Variants in CSMD3 observed in about 807,000 individuals in gnomAD.
The protein encoded by CSMD3 is CUB and Sushi multiple domains 3.
Under a neutral mutation model 435.2 loss-of-function variants are expected in CSMD3, and 177 were observed. That is an observed-to-expected ratio of 0.41 (90% confidence interval 0.36 to 0.46). The LOEUF (loss-of-function observed/expected upper bound fraction) is 0.46, where lower values mean the gene tolerates loss of function less well. CSMD3 is among the 20% of genes least tolerant of loss of function. The pLI is 0.34. For synonymous variants in CSMD3, 1,656 were observed against 1,520.5 expected (o/e 1.09, Z -2.07); for missense variants, 4,265 against 4,504.6 (o/e 0.95, Z 1.52).
chr8:112,589,385 A>G (rs1830987563), intron 22 of CSMD3, among the ~76,000 whole-genome samples: 1 of 152,184 alleles, frequency 6.6e-6, no homozygotes, highest in Non-Finnish European at 1.5e-5. Context: ...GAATAAAGAA[A>G]ATTACCACCC....
At chr8:113,409,080 T>C (rs1246162335) in intron 1 of CSMD3, among the ~76,000 whole-genome samples, 1 of 67,690 alleles carries the variant, frequency 1.5e-5, no homozygotes, top group Non-Finnish European at 2.8e-5. Context: ...CTTCTTCTTC[T>C]TTTTTTTTTT....
At chr8:112,637,118 G>A in intron 21 of CSMD3, 113 bp from the exon 22 acceptor site, 1 of 828,282 alleles carries the variant, frequency 1.2e-6, no homozygotes, top group South Asian at 1.4e-5. Flanking sequence ...CATATATTTA[G>A]AAGGGACTAT....
intron 10 of CSMD3, among the ~76,000 whole-genome samples, chr8:112,886,627 T>C (rs1165560873): frequency 1.3e-5 from 2 of 151,354 alleles, no homozygotes; most frequent in South Asian, 2.1e-4. Flanking sequence ...TTATAGTATT[T>C]AATAATTTAG....
chr8:112,320,915 T>C (rs2130873668), intron 45 of CSMD3, among the ~76,000 whole-genome samples: 1 of 152,236 alleles, frequency 6.6e-6, no homozygotes, highest in Admixed American at 6.5e-5. Context: ...TGTTTCTAAT[T>C]ATGATATCAC....
Position 113,314,781 on chromosome 8 carries a change from G to A in CSMD3, c.191C>T (p.Thr64Ile), listed in dbSNP as rs1418930877. The A allele has an allele frequency of 4.4e-6, 7 of 1,601,216 alleles. No individual in the cohort carries two copies. The highest frequency in any genetic ancestry group is 1.3e-5 in the African/African-American group (1 of 74,618). Residue 64 changes from threonine (T) to isoleucine (I), a missense_variant, in exon 2 of 71, where the codon ACA (threonine) becomes ATA (isoleucine). Transcript: ENST00000297405. ...TVSCVKGFIY[T>I]CGGTLKGLNG... ...AAGTCCTTTTAAAGTTCCACCACAT[G>A]TATAAATAAATCCTGCAACAAAAGA...
intron 49 of CSMD3, among the ~76,000 whole-genome samples, chr8:112,311,870 G>C (rs1822005606): frequency 6.6e-6 from 1 of 152,048 alleles, no homozygotes; most frequent in African/African-American, 2.4e-5. Flanking sequence ...AGAAAAATGG[G>C]GCTTTGGGGG....
chr8:112,473,440 G>A (rs2130759607), intron 31 of CSMD3, among the ~76,000 whole-genome samples: 1 of 152,224 alleles, frequency 6.6e-6, no homozygotes, highest in South Asian at 2.1e-4. Context: ...TATTCTTTAA[G>A]CGAATAAGAT....
In CSMD3 at chr8:112,245,644, T is replaced by C. The variant is rs1002317702; in HGVS notation, c.10223-1071A>G. Among the ~76,000 whole-genome samples, 9 of 152,192 alleles carry C rather than the reference T, an allele frequency of 5.9e-5. No homozygotes were observed. In the Middle Eastern group the frequency reaches 0.014, roughly 230 times the overall value. ...CCTCCACCTCCGGGGTTCAAGCGAT[T>C]CTCCTGCCTCAGACTCCTGAGGAGC... On this transcript the variant is annotated intron_variant, in intron 64 of 70. Coordinates refer to ENST00000297405, the MANE Select transcript of CSMD3 (RefSeq NM_198123.2).
At chr8:113,267,340 T>C (rs1228582588) in intron 3 of CSMD3, among the ~76,000 whole-genome samples, 1 of 151,528 alleles carries the variant, frequency 6.6e-6, no homozygotes, top group Admixed American at 6.6e-5. Flanking sequence ...AGCAAATATA[T>C]GGAATTAACC....
chr8:112,337,488 C>G (rs2130963556), intron 43 of CSMD3, 55 bp downstream of exon 43: 2 of 1,421,496 alleles, frequency 1.4e-6, no homozygotes, highest in Admixed American at 3.4e-5. Flanking sequence ...AGTGCCAAAA[C>G]AATATTAAAA....
In CSMD3 at chr8:112,352,408, A is replaced by C. The variant is rs766948234; in HGVS notation, c.6255+8T>G. On this transcript the variant is annotated splice_region_variant and intron_variant, in intron 39 of 70. Coordinates refer to ENST00000297405, the MANE Select transcript of CSMD3 (RefSeq NM_198123.2). The stretch of plus-strand genomic sequence containing the variant: ...AAAATCAAAACCACAACTTTAAAAT[A>C]GACTTACCTGAAGAGAATATCCTTG... 2 of 1,613,124 alleles carry C rather than the reference A, an allele frequency of 1.2e-6. No homozygotes were observed. Among genetic ancestry groups the C allele is most frequent in the African/African-American group, 2.7e-5 (2 of 74,900 alleles).
chr8:112,445,304 AT>A (rs1488549780), intron 32 of CSMD3, among the ~76,000 whole-genome samples: 1 of 152,118 alleles, frequency 6.6e-6, no homozygotes, highest in Admixed American at 6.6e-5. Context: ...TTTTTGCTCC[AT>A]TTTTGTTGCT....
intron 13 of CSMD3, among the ~76,000 whole-genome samples, chr8:112,787,482 C>T (rs1387823450): frequency 1.3e-5 from 2 of 152,112 alleles, no homozygotes; most frequent in East Asian, 1.9e-4. Flanking sequence ...GATATATCTG[C>T]ACTCCCATAT....
At chr8:113,407,267 T>G (rs745869948) in intron 1 of CSMD3, among the ~76,000 whole-genome samples, 2 of 152,178 alleles carry the variant, frequency 1.3e-5, no homozygotes, top group Non-Finnish European at 2.9e-5. Flanking sequence ...ATATGTCTTT[T>G]GCTCACTATG....
At chr8:113,219,174 G>C (rs1346798546) in intron 3 of CSMD3, among the ~76,000 whole-genome samples, 1 of 151,328 alleles carries the variant, frequency 6.6e-6, no homozygotes, top group Non-Finnish European at 1.5e-5. Flanking sequence ...GTCAGAAACA[G>C]GGCATGGGTA....
chr8:112,285,974 A>C (rs889897537), intron 58 of CSMD3, among the ~76,000 whole-genome samples: 6 of 152,090 alleles, frequency 3.9e-5, no homozygotes, highest in African/African-American at 1.4e-4. Context: ...CTCCTGCCTC[A>C]GTGTCCCAAA....
intron 1 of CSMD3, among the ~76,000 whole-genome samples, chr8:113,361,521 A>G (rs1215386007): frequency 6.6e-6 from 1 of 152,158 alleles, no homozygotes; most frequent in East Asian, 1.9e-4. Flanking sequence ...ATAATTTGAC[A>G]TATAAAACTC....
chr8:112,382,031 A>G (rs745893203), intron 37 of CSMD3, among the ~76,000 whole-genome samples: 11 of 152,122 alleles, frequency 7.2e-5, no homozygotes, highest in Non-Finnish European at 1.6e-4. Flanking sequence ...AATCCCAGCT[A>G]ATCAGGAGGC....
intron 13 of CSMD3, among the ~76,000 whole-genome samples, chr8:112,729,269 C>T (rs2132004450): frequency 6.6e-6 from 1 of 151,884 alleles, no homozygotes; most frequent in African/African-American, 2.4e-5. Context: ...GGAGGAGGGG[C>T]CAATCTTTCA....
Sources: allele counts gnomAD v4.1 joint callset (sites outside exome capture counted in the v4.1 genomes callset), GRCh38; gene constraint gnomAD v4.1.1; transcripts MANE v1.5; gene names NCBI Gene and HGNC (gene_info 2026-07-23, HGNC 2026-07-21).